The following ARL3 variants were observed in gnomAD, a reference collection of about 807,000 sequenced individuals.
The protein encoded by ARL3 is ARF like GTPase 3.
Under a neutral mutation model 26.0 loss-of-function variants are expected in ARL3, and 9 were observed. The observed-to-expected ratio is 0.35, with a 90% CI of 0.21 to 0.60. The LOEUF is 0.60. Ranked by LOEUF, ARL3 falls within the 20% of genes least tolerant of loss-of-function variation. The pLI, the probability that ARL3 is intolerant of heterozygous loss-of-function variation, is 0.78. For synonymous variants in ARL3, 71 were observed against 78.4 expected, an observed-to-expected ratio of 0.91 and a Z score of 0.50; for missense variants, 158 against 215.7, an observed-to-expected ratio of 0.73 and a Z score of 1.67.
At chr10:102,682,072 G>A (rs893289014) in intron 5 of ARL3, among the ~76,000 whole-genome samples, 6 of 152,102 alleles carry the variant, frequency 3.9e-5, no homozygotes, top group African/African-American at 1.4e-4. Flanking sequence ...AGGGGCCCTG[G>A]CAACCTGGGC....
At chr10:102,689,974 T>G in intron 3 of ARL3, 31 bp from the exon 4 acceptor site, 1 of 1,471,894 alleles carries the variant, frequency 6.8e-7, no homozygotes, top group South Asian at 1.2e-5. Flanking sequence ...GTTATTTCAG[T>G]GAGCAGAGAT....
At chr10:102,702,104 T>C (rs1167137278) in intron 2 of ARL3, among the ~76,000 whole-genome samples, 2 of 151,872 alleles carry the variant, frequency 1.3e-5, no homozygotes, top group Non-Finnish European at 2.9e-5. Flanking sequence ...GGTGGGAAGA[T>C]TGCTTGAACC....
At chr10:102,695,129 C>A (rs2136003169) in intron 3 of ARL3, among the ~76,000 whole-genome samples, 1 of 152,330 alleles carries the variant, frequency 6.6e-6, no homozygotes, top group African/African-American at 2.4e-5. Flanking sequence ...TTTGCTTTTC[C>A]ATATAAACAT....
chr10:102,683,970 A>G (rs1043569312), intron 5 of ARL3, among the ~76,000 whole-genome samples: 1 of 152,212 alleles, frequency 6.6e-6, no homozygotes, highest in Non-Finnish European at 1.5e-5. Context: ...CTGGTGGAAG[A>G]TACAAGAGGC....
At chr10:102,707,468 C>T (rs2064315997) in intron 1 of ARL3, among the ~76,000 whole-genome samples, 1 of 152,048 alleles carries the variant, frequency 6.6e-6, no homozygotes, top group Non-Finnish European at 1.5e-5. Flanking sequence ...CAAAGAATCC[C>T]AGAGTTTAAA....
chr10:102,690,059 G>T (rs1474455808), intron 3 of ARL3, 116 bp from the exon 4 acceptor site: 2 of 572,322 alleles, frequency 3.5e-6, no homozygotes, highest in African/African-American at 1.9e-5. Flanking sequence ...ACAACATACA[G>T]AAATTGACTG....
At chr10:102,686,920 G>A (rs1378656412) in intron 4 of ARL3, among the ~76,000 whole-genome samples, 1 of 143,702 alleles carries the variant, frequency 7.0e-6, no homozygotes, top group Non-Finnish European at 1.5e-5. Flanking sequence ...CTGTTGCCCA[G>A]GCTGGAGTGC....
chr10:102,702,195 A>C (rs2064283536), intron 2 of ARL3, among the ~76,000 whole-genome samples: 1 of 152,080 alleles, frequency 6.6e-6, no homozygotes, highest in Non-Finnish European at 1.5e-5. Context: ...CCGTCTCTAA[A>C]AAAAATCTAT....
chr10:102,704,421 T>C (rs968499717), intron 2 of ARL3, among the ~76,000 whole-genome samples: 1 of 151,892 alleles, frequency 6.6e-6, no homozygotes, highest in African/African-American at 2.4e-5. Context: ...GGGTGGATCA[T>C]TGAGGTCTGG....
intron 3 of ARL3, among the ~76,000 whole-genome samples, chr10:102,694,555 G>A (rs890277846): frequency 6.6e-6 from 1 of 151,506 alleles, no homozygotes; most frequent in Non-Finnish European, 1.5e-5. Context: ...TTTGCATGTC[G>A]ATGTCCCATT....
chr10:102,693,086 T>C (rs1050517296), intron 3 of ARL3, among the ~76,000 whole-genome samples: 2 of 152,224 alleles, frequency 1.3e-5, no homozygotes, highest in Non-Finnish European at 2.9e-5. Context: ...TGTTTATCTA[T>C]TAACCTATTG....
At chr10:102,685,712 C>T in intron 5 of ARL3, 104 bp downstream of exon 5, 1 of 1,252,828 alleles carries the variant, frequency 8.0e-7, no homozygotes, top group Non-Finnish European at 1.1e-6. Context: ...CCCTTCATAT[C>T]TTGGAATGGC....
intron 5 of ARL3, among the ~76,000 whole-genome samples, chr10:102,680,862 C>T (rs1000363348): frequency 6.6e-6 from 1 of 152,174 alleles, no homozygotes; most frequent in Non-Finnish European, 1.5e-5. Flanking sequence ...CAGCTGGATG[C>T]TGCTTCCATC....
In ARL3 at chr10:102,674,736, G is replaced by A. The variant is rs986082382; in HGVS notation, c.*2158C>T. On this transcript the variant is annotated 3_prime_UTR_variant, in exon 6 of 6. Coordinates refer to ENST00000260746, the MANE Select transcript of ARL3 (RefSeq NM_004311.4). The stretch of plus-strand genomic sequence containing the variant: ...TTCTCTCATCTACCCCAGAGCCCCA[G>A]GAGGGTTCAAAAGGGCTCAAAGGGA... 3.3e-5 allele frequency: 5 copies of A among 152,240 alleles called. No homozygotes were observed. The highest frequency in any genetic ancestry group is 1.2e-4 in the African/African-American group (5 of 41,464). 9.4% of individuals were successfully genotyped at this position (152,240 alleles called of 1,614,324 possible). A position where few individuals can be genotyped will look rare whatever the true frequency, so the allele number is the denominator to read the frequency against.
chr10:102,695,871 G>T (rs907704940), intron 3 of ARL3, among the ~76,000 whole-genome samples: 3 of 151,656 alleles, frequency 2.0e-5, no homozygotes, highest in African/African-American at 7.3e-5. Context: ...TGAATTAAAA[G>T]AATTTTATCT....
Position 102,682,096 on chromosome 10 carries a change from C to T in ARL3, c.501+3720G>A, listed in dbSNP as rs144437145. 4.4e-3 allele frequency among the ~76,000 whole-genome samples: 664 copies of T among 152,264 alleles called. 7 individuals carry two copies. Among genetic ancestry groups the T allele is most frequent in the African/African-American group, 0.015 (627 of 41,538 alleles). On this transcript the variant is annotated intron_variant, in intron 5 of 5. Transcript: ENST00000260746. Reference sequence around the variant, plus strand: ...GGCAACCTGGGCCTGACCTCGAGGGCGCAGAGTGACACTTCCTCCATGTTG... The same window carrying T: ...GGCAACCTGGGCCTGACCTCGAGGGTGCAGAGTGACACTTCCTCCATGTTG...
chr10:102,682,090 C>T (rs139604629), intron 5 of ARL3, among the ~76,000 whole-genome samples: 202 of 152,266 alleles, frequency 1.3e-3, no homozygotes, highest in African/African-American at 4.6e-3. Flanking sequence ...GGCCTGACCT[C>T]GAGGGCGCAG....
intron 3 of ARL3, among the ~76,000 whole-genome samples, chr10:102,694,001 T>G (rs2064233903): frequency 6.6e-6 from 1 of 152,108 alleles, no homozygotes. Flanking sequence ...TTATTTATTT[T>G]TTTTGAGATG....
chr10:102,705,174 T>A (rs2064302605), intron 2 of ARL3, among the ~76,000 whole-genome samples, 172 bp downstream of exon 2: 1 of 152,232 alleles, frequency 6.6e-6, no homozygotes, highest in Non-Finnish European at 1.5e-5. Flanking sequence ...AAATACCTCA[T>A]GAGAATGGAA....
Sources: gnomAD v4.1 joint callset for allele counts (sites outside exome capture counted in the v4.1 genomes callset) on GRCh38, gnomAD v4.1.1 for gene constraint, MANE v1.5 for transcripts, NCBI Gene and HGNC (gene_info 2026-07-23, HGNC 2026-07-21) for gene names.